The following ZFP82 variants were observed in gnomAD, a reference collection of about 807,000 sequenced individuals.
ZFP82 encodes zinc finger protein 82 homolog.
A neutral mutation model predicts 54.0 loss-of-function variants in ZFP82; 30 were observed. The ratio of observed to expected loss-of-function variants is 0.56; its 90% CI spans 0.42 to 0.75. The LOEUF (loss-of-function observed/expected upper bound fraction) is 0.75, where lower values mean the gene tolerates loss of function less well. ZFP82 is among the 30% of genes least tolerant of loss of function. The pLI, the probability that ZFP82 is intolerant of heterozygous loss-of-function variation, is 0.00. For missense variants in ZFP82, 500 were observed against 636.8 expected, an observed-to-expected ratio of 0.79 and a Z score of 2.31; for synonymous variants, 194 against 209.5, an observed-to-expected ratio of 0.93 and a Z score of 0.64.
chr19:36,408,310 T>C (rs1006096505), intron 2 of ZFP82, among the ~76,000 whole-genome samples: 12 of 152,202 alleles, frequency 7.9e-5, no homozygotes, highest in African/African-American at 2.9e-4. Flanking sequence ...AAATACTGTA[T>C]ATAAGCCTTT....
At chr19:36,383,944 C>T (rs2032087959), downstream of ZFP82, 1 of 152,092 alleles carries the variant, frequency 6.6e-6, no homozygotes, top group Non-Finnish European at 1.5e-5. Flanking sequence ...ATGCCCAATT[C>T]ACTATTAACC....
At chr19:36,415,681 C>T (rs1002833971) in intron 1 of ZFP82, among the ~76,000 whole-genome samples, 2 of 152,160 alleles carry the variant, frequency 1.3e-5, no homozygotes, top group African/African-American at 4.8e-5. Context: ...CCACTGCGCC[C>T]AGCCAATTAA....
At chr19:36,385,899 T>A (rs2032109510), downstream of ZFP82, among the ~76,000 whole-genome samples, 1 of 152,086 alleles carries the variant, frequency 6.6e-6, no homozygotes, top group African/African-American at 2.4e-5. Flanking sequence ...TAGTAAGATG[T>A]GAGAGGTAGA....
intron 4 of ZFP82, 107 bp from the exon 5 acceptor site, chr19:36,394,217 C>A: frequency 2.9e-6 from 3 of 1,026,266 alleles, no homozygotes; most frequent in Non-Finnish European, 4.2e-6. Context: ...AACCAAAACT[C>A]TAAAATATTG....
intron 1 of ZFP82, among the ~76,000 whole-genome samples, chr19:36,412,903 G>C (rs1460630948): frequency 6.6e-6 from 1 of 152,060 alleles, no homozygotes; most frequent in Non-Finnish European, 1.5e-5. Flanking sequence ...TTCTTGCATA[G>C]GCTTATCTAC....
rs528484773 is a variant in ZFP82, at chr19:36,407,831, G to A, written c.136+56C>T. 2.6e-6 allele frequency: 4 copies of A among 1,558,926 alleles called. No individual in the cohort carries two copies. The African/African-American group carries it at 5.5e-5, about 21-fold the overall frequency. ...AAAGATACTCTTGAAATTTCCACAG[G>A]AAAAAGCTGATTTACAGAGAACACA... On this transcript the variant is annotated intron_variant, in intron 3 of 4. Coordinates refer to ENST00000392161, the MANE Select transcript of ZFP82 (RefSeq NM_133466.4).
chr19:36,389,065 G>T lies in ZFP82; in HGVS notation c.*3676C>A, dbSNP rs2032151230. Among the ~76,000 whole-genome samples the T allele has an allele frequency of 6.8e-6, 1 of 147,690 alleles. No homozygotes were observed. The highest frequency in any genetic ancestry group is 2.5e-5 in the African/African-American group (1 of 39,754). On this transcript the variant is annotated 3_prime_UTR_variant, in exon 5 of 5. Transcript: ENST00000392161. Reference sequence around the variant, plus strand: ...TTTCTTTTTTTTTTTTTTTGAGATGGAGTCTCACTCTATTGCCAGGCTGGA... The same window carrying T: ...TTTCTTTTTTTTTTTTTTTGAGATGTAGTCTCACTCTATTGCCAGGCTGGA...
rs2032178279 is a variant in ZFP82, at chr19:36,390,453, C to G, written c.*2288G>C. On this transcript the variant is annotated 3_prime_UTR_variant, in exon 5 of 5. Coordinates refer to ENST00000392161, the MANE Select transcript of ZFP82 (RefSeq NM_133466.4). ...TGTTGTTAATTTGTTCTTTTATTCC[C>G]CATGTTTCCTGTAAACTGGTAATTA... The G allele has an allele frequency of 6.6e-6, 1 of 151,170 alleles. No homozygotes were observed. The highest frequency in any genetic ancestry group is 6.6e-5 in the Admixed American group (1 of 15,122). The allele number at this position is 151,170 out of a possible 1,614,324, so 9.4% of individuals were successfully genotyped here.
At chr19:36,405,435 C>T in intron 4 of ZFP82, 145 bp downstream of exon 4, 2 of 511,364 alleles carry the variant, frequency 3.9e-6, no homozygotes, top group Non-Finnish European at 6.9e-6. Context: ...GGGCCACAGA[C>T]CTTTCCTCCT....
downstream of ZFP82, chr19:36,383,998 A>AT (rs1175148026): frequency 6.6e-6 from 1 of 152,230 alleles, no homozygotes; most frequent in East Asian, 1.9e-4. Flanking sequence ...ATATAAGGAA[A>AT]TAAGGAAAAC....
chr19:36,394,103 C>A lies in ZFP82; in HGVS notation c.237G>T (p.Glu79Asp). 1 of 1,600,248 alleles carries A rather than the reference C, an allele frequency of 6.2e-7. No homozygotes were observed. Among genetic ancestry groups the A allele is most frequent in the South Asian group, 1.1e-5 (1 of 87,504 alleles). Residue 79 changes from glutamate to aspartate, a missense_variant, in exon 5 of 5, where the codon GAG (glutamate) becomes GAT (aspartate). Physicochemically the swap from Glu to Asp is conservative, Grantham distance 45. Transcript: ENST00000392161. ...RKGRRQYPDL[E>D]TKYETKKLSL... ...ATAACTTCTTGGTCTCATACTTGGT[C>A]TCCAAATCTAAAATAAAACAAGAAA... is the stretch of plus-strand genomic sequence containing the variant.
chr19:36,403,340 A>C (rs1317381276), intron 4 of ZFP82, among the ~76,000 whole-genome samples: 2 of 109,820 alleles, frequency 1.8e-5, no homozygotes, highest in Admixed American at 9.1e-5. Context: ...AAAAAAAAAA[A>C]AGGCCAGGCG....
chr19:36,395,396 C>G (rs531887495), intron 4 of ZFP82: 1 of 152,254 alleles, frequency 6.6e-6, no homozygotes, highest in African/African-American at 2.4e-5. Flanking sequence ...AAATGTGTAT[C>G]AGTGATTTTT....
rs774558090 is a variant in ZFP82, at chr19:36,392,771, ATGAG to A, written c.1565_1568del (p.Thr522IlefsTer3). 3 of 1,570,632 alleles carry A rather than the reference ATGAG, an allele frequency of 1.9e-6. No homozygotes were observed. The African/African-American group carries it at 4.1e-5, about 22-fold the overall frequency. On this transcript the variant is annotated frameshift_variant, in exon 5 of 5. Transcript: ENST00000392161. LOFTEE classifies it high-confidence loss of function. ...TTTTTACATTATGAATTTTCAGATG[ATGAG>A]TAAGGTGTGAATGTTGCCTAAAGGC...
chr19:36,404,412 A>T (rs2032445699), intron 4 of ZFP82, among the ~76,000 whole-genome samples: 1 of 151,526 alleles, frequency 6.6e-6, no homozygotes, highest in South Asian at 2.1e-4. Context: ...ACCACTCCAC[A>T]CTCCTGTTTT....
intron 1 of ZFP82, among the ~76,000 whole-genome samples, chr19:36,413,269 G>C (rs2032610146): frequency 6.6e-6 from 1 of 152,030 alleles, no homozygotes. Flanking sequence ...AAATAAGCTG[G>C]GCGTGGTGGC....
downstream of ZFP82, chr19:36,384,135 C>T (rs1176869158): frequency 6.6e-6 from 1 of 151,892 alleles, no homozygotes; most frequent in Non-Finnish European, 1.5e-5. Flanking sequence ...TGATAAATAC[C>T]TTAGAGAAAC....
chr19:36,416,694 T>G (rs2032675531), intron 1 of ZFP82, among the ~76,000 whole-genome samples: 1 of 142,942 alleles, frequency 7.0e-6, no homozygotes. Flanking sequence ...AGGCGGAGGT[T>G]GCGGTGAGCT....
At position 36,389,793 on chromosome 19, in the gene ZFP82, G is replaced by A. The variant is rs2032164068; in HGVS notation, c.*2948C>T. Among the ~76,000 whole-genome samples, 1 of 152,082 alleles carries A rather than the reference G, an allele frequency of 6.6e-6. No individual in the cohort carries two copies. Among genetic ancestry groups the A allele is most frequent in the South Asian group, 2.1e-4 (1 of 4,816 alleles). On this transcript the variant is annotated 3_prime_UTR_variant, in exon 5 of 5. Coordinates refer to ENST00000392161, the MANE Select transcript of ZFP82 (RefSeq NM_133466.4). The stretch of plus-strand genomic sequence containing the variant: ...GATCCTGGATAGGCTGCCCCTCCCA[G>A]GGCAAGCTAATGCATAGATGATAAA...
Sources: allele counts gnomAD v4.1 joint callset (sites outside exome capture counted in the v4.1 genomes callset), GRCh38; gene constraint gnomAD v4.1.1; transcripts MANE v1.5; gene names NCBI Gene and HGNC (gene_info 2026-07-23, HGNC 2026-07-21).